GRM7: variants seen among roughly 807,000 people sequenced by gnomAD.
The protein encoded by GRM7 is metabotropic glutamate receptor 7.
Under a neutral mutation model 84.5 loss-of-function variants are expected in GRM7, and 35 were observed. The ratio of observed to expected loss-of-function variants is 0.41; its 90% CI spans 0.32 to 0.55. The LOEUF is 0.55. Ranked by LOEUF, GRM7 falls within the 20% of genes least tolerant of loss-of-function variation. The pLI is 0.19. For synonymous variants in GRM7, 487 were observed against 455.1 expected, an observed-to-expected ratio of 1.07 and a Z score of -0.89; for missense variants, 1,003 against 1,194.6, an observed-to-expected ratio of 0.84 and a Z score of 2.36.
At chr3:7,563,591 C>T (rs1694127303) in intron 7 of GRM7, among the ~76,000 whole-genome samples, 1 of 152,054 alleles carries the variant, frequency 6.6e-6, no homozygotes, top group African/African-American at 2.4e-5. Context: ...GGAAAAATGA[C>T]AGCCGAAAGG....
chr3:6,984,453 A>T (rs755833726), intron 1 of GRM7, among the ~76,000 whole-genome samples: 2 of 152,232 alleles, frequency 1.3e-5, no homozygotes, highest in Non-Finnish European at 2.9e-5. Context: ...CGTAGACTTT[A>T]TTCCATCAAT....
intron 3 of GRM7, among the ~76,000 whole-genome samples, chr3:7,305,568 A>C (rs1297869935): frequency 2.3e-5 from 1 of 43,034 alleles, no homozygotes; most frequent in Non-Finnish European, 8.7e-5. Flanking sequence ...TCATTGTTCA[A>C]TTCCCACCTA....
intron 7 of GRM7, among the ~76,000 whole-genome samples, chr3:7,547,426 T>C (rs901907968): frequency 4.6e-5 from 7 of 152,044 alleles, no homozygotes; most frequent in Non-Finnish European, 1.0e-4. Flanking sequence ...CAGGATGGTC[T>C]CGATCTCCTG....
chr3:7,726,943 C>G (rs1206334349), intron 9 of GRM7, among the ~76,000 whole-genome samples: 1 of 151,542 alleles, frequency 6.6e-6, no homozygotes, highest in Admixed American at 6.6e-5. Flanking sequence ...TAATCTAAAA[C>G]AGTCTCATCA....
chr3:7,228,654 TAA>T (rs1273504634), intron 2 of GRM7, among the ~76,000 whole-genome samples: 3 of 152,174 alleles, frequency 2.0e-5, no homozygotes, highest in Non-Finnish European at 4.4e-5. Context: ...CTACTAACAA[TAA>T]AAGTCTCTTT....
intron 4 of GRM7, among the ~76,000 whole-genome samples, chr3:7,393,194 G>C (rs1164510283): frequency 6.6e-6 from 1 of 152,022 alleles, no homozygotes; most frequent in Non-Finnish European, 1.5e-5. Context: ...GTCTCTCCTC[G>C]GGGCAGTGCA....
chr3:7,431,162 G>A (rs1696814382), intron 5 of GRM7, among the ~76,000 whole-genome samples: 1 of 152,016 alleles, frequency 6.6e-6, no homozygotes, highest in Non-Finnish European at 1.5e-5. Flanking sequence ...TCACCCAGAT[G>A]TGCATCAAAA....
chr3:7,144,990 C>T (rs1016837874), intron 1 of GRM7, among the ~76,000 whole-genome samples: 1 of 152,166 alleles, frequency 6.6e-6, no homozygotes, highest in Non-Finnish European at 1.5e-5. Context: ...GGACTTAACT[C>T]TAATGCTGAC....
At chr3:6,975,173 C>T (rs910449587) in intron 1 of GRM7, among the ~76,000 whole-genome samples, 1 of 152,078 alleles carries the variant, frequency 6.6e-6, no homozygotes, top group Non-Finnish European at 1.5e-5. Context: ...GGAGAATCTC[C>T]TGAGGTCTTC....
In GRM7 at chr3:7,656,545, G is replaced by GCACACACACACACACA. The variant is rs1288626812; in HGVS notation, c.2452-23503_2452-23502insACACACACACACACAC. Among the ~76,000 whole-genome samples, 8 of 120,414 alleles carry GCACACACACACACACA rather than the reference G, an allele frequency of 6.6e-5. No homozygotes were observed. The South Asian group carries it at 2.1e-3, about 32-fold the overall frequency. The allele number at this position is 120,414 out of a possible 152,430, so 79.0% of individuals were successfully genotyped here. A position where few individuals can be genotyped will look rare whatever the true frequency, so the allele number is the denominator to read the frequency against. On this transcript the variant is annotated intron_variant, in intron 8 of 9. Transcript: ENST00000357716. ...AAAATATATATATATATATACGCGC[G>GCACACACACACACACA]CGCACACACACACACACACACACAC...
At chr3:7,730,116 G>A (rs993500796) in intron 9 of GRM7, among the ~76,000 whole-genome samples, 2 of 147,134 alleles carry the variant, frequency 1.4e-5, no homozygotes, top group Non-Finnish European at 3.0e-5. Flanking sequence ...CTTATGATCT[G>A]CCCACCTTGG....
intron 4 of GRM7, among the ~76,000 whole-genome samples, chr3:7,400,636 T>A (rs2125157142): frequency 6.6e-6 from 1 of 152,310 alleles, no homozygotes; most frequent in South Asian, 2.1e-4. Flanking sequence ...TAGGCTGAAC[T>A]CAAATCACAG....
intron 1 of GRM7, among the ~76,000 whole-genome samples, chr3:7,144,638 G>A (rs926623691): frequency 1.3e-5 from 2 of 152,170 alleles, no homozygotes; most frequent in Admixed American, 1.3e-4. Flanking sequence ...ATCGTGCAAA[G>A]CAATGCACAT....
At chr3:7,403,142 G>C in intron 4 of GRM7, 1 of 445,624 alleles carries the variant, frequency 2.2e-6, no homozygotes. Context: ...TTTCTGACAA[G>C]TTTGTCTGGC....
At chr3:7,548,315 C>A (rs1693272200) in intron 7 of GRM7, among the ~76,000 whole-genome samples, 1 of 152,194 alleles carries the variant, frequency 6.6e-6, no homozygotes, top group Admixed American at 6.5e-5. Context: ...TACCATGGGA[C>A]CTCTCCACAC....
rs369761931 is a variant in GRM7 at position 7,726,689 on chromosome 3, A to G, written c.2699-13668A>G. Among the ~76,000 whole-genome samples, 12 of 131,674 alleles carry G rather than the reference A, an allele frequency of 9.1e-5. No individual in the cohort carries two copies. In the South Asian group the frequency reaches 2.8e-3, roughly 31 times the overall value. 86.4% of individuals were successfully genotyped at this position (131,674 alleles called of 152,430 possible). A position where few individuals can be genotyped will look rare whatever the true frequency, so the allele number is the denominator to read the frequency against. On this transcript the variant is annotated intron_variant, in intron 9 of 9. Transcript: ENST00000357716. ...TAGGTTTTCCCCATTAGCTGTTTAT[A>G]AGCAAGTTGCACACATCATGACTGT...
At chr3:7,610,951 T>C (rs894311132) in intron 8 of GRM7, among the ~76,000 whole-genome samples, 1 of 152,198 alleles carries the variant, frequency 6.6e-6, no homozygotes, top group Non-Finnish European at 1.5e-5. Flanking sequence ...GTATAATATT[T>C]TTTTTGGTTC....
At chr3:7,227,110 C>A (rs988367029) in intron 2 of GRM7, among the ~76,000 whole-genome samples, 3 of 152,100 alleles carry the variant, frequency 2.0e-5, no homozygotes, top group South Asian at 2.1e-4. Flanking sequence ...AATTAAGGTA[C>A]CTCTCTTGCA....
chr3:7,293,877 G>T (rs565015601), intron 2 of GRM7, among the ~76,000 whole-genome samples: 2 of 152,234 alleles, frequency 1.3e-5, no homozygotes, highest in Admixed American at 1.3e-4. Flanking sequence ...TTCTTTTATG[G>T]ATCTGAGACA....
Sources: gnomAD v4.1 joint callset for allele counts (sites outside exome capture counted in the v4.1 genomes callset) on GRCh38, gnomAD v4.1.1 for gene constraint, MANE v1.5 for transcripts, NCBI Gene and HGNC (gene_info 2026-07-23, HGNC 2026-07-21) for gene names.